The following RAB6B variants were observed in gnomAD, a reference collection of about 807,000 sequenced individuals.
RAB6B encodes RAB6B, member RAS oncogene family, also known as ras-related protein Rab-6B.
In RAB6B, 7 loss-of-function variants were observed where a neutral mutation model predicts 31.2. That is an observed-to-expected ratio of 0.22 (90% CI 0.13 to 0.42). The LOEUF is 0.42. Among genes scored for constraint, RAB6B ranks in the 10% least tolerant of loss-of-function variants. The probability of loss-of-function intolerance (pLI) is 1.00; values close to 1 mark genes in which losing one functional copy is unlikely to be tolerated. For missense variants in RAB6B, 149 were observed against 280.6 expected, an observed-to-expected ratio of 0.53 and a Z score of 3.35; for synonymous variants, 105 against 104.9, an observed-to-expected ratio of 1.00 and a Z score of -0.01.
chr3:133,890,672 T>C (rs1416608051), intron 1 of RAB6B, among the ~76,000 whole-genome samples: 3 of 152,130 alleles, frequency 2.0e-5, no homozygotes, highest in African/African-American at 4.8e-5. Context: ...AATCTACTGA[T>C]GGGCCATCAG....
At chr3:133,841,732 C>T in intron 2 of RAB6B, 69 bp from the exon 3 acceptor site, 1 of 1,532,360 alleles carries the variant, frequency 6.5e-7, no homozygotes, top group Non-Finnish European at 9.0e-7. Context: ...GCCTAGCGAC[C>T]ACAGGTGGTG....
At chr3:133,857,445 A>G (rs1936097897) in intron 2 of RAB6B, among the ~76,000 whole-genome samples, 1 of 150,872 alleles carries the variant, frequency 6.6e-6, no homozygotes, top group Non-Finnish European at 1.5e-5. Flanking sequence ...AAAAAAAAAA[A>G]AAAGGACTGA....
chr3:133,864,857 G>C (rs1936214355), intron 1 of RAB6B, among the ~76,000 whole-genome samples: 1 of 152,204 alleles, frequency 6.6e-6, no homozygotes, highest in Non-Finnish European at 1.5e-5. Context: ...TTCCTGCCAG[G>C]CACCAGGGTG....
intron 2 of RAB6B, among the ~76,000 whole-genome samples, chr3:133,854,520 G>A (rs1003965440): frequency 6.6e-6 from 1 of 152,208 alleles, no homozygotes; most frequent in African/African-American, 2.4e-5. Context: ...TCAGAAGGCT[G>A]AGCTGCACTC....
rs766031680 is a variant in RAB6B at position 133,864,754 on chromosome 3, C to T, written c.71-112G>A. 2.0e-4 allele frequency: 212 copies of T among 1,060,018 alleles called. 1 individual carries two copies. In the African/African-American group the frequency reaches 2.0e-3, roughly 10 times the overall value. 65.7% of individuals were successfully genotyped at this position (1,060,018 alleles called of 1,614,324 possible). On this transcript the variant is annotated intron_variant, in intron 1 of 7. Coordinates refer to ENST00000285208, the MANE Select transcript of RAB6B (RefSeq NM_016577.4). Reference sequence around the variant, plus strand: ...AAACCAAAAAGCACAGGGGAAAGGCCGAGTTGCAGAAATACAGAAGTGGGA... The same window carrying T: ...AAACCAAAAAGCACAGGGGAAAGGCTGAGTTGCAGAAATACAGAAGTGGGA...
At chr3:133,889,964 GTC>G (rs937388598) in intron 1 of RAB6B, among the ~76,000 whole-genome samples, 2 of 152,128 alleles carry the variant, frequency 1.3e-5, no homozygotes, top group Non-Finnish European at 2.9e-5. Flanking sequence ...TCATCCTGGT[GTC>G]TGTCTGACTC....
At chr3:133,858,505 T>C (rs1046452414) in intron 2 of RAB6B, among the ~76,000 whole-genome samples, 3 of 152,320 alleles carry the variant, frequency 2.0e-5, no homozygotes, top group African/African-American at 7.2e-5. Context: ...TGAGAGGCCC[T>C]CCCTGGCTTA....
intron 1 of RAB6B, among the ~76,000 whole-genome samples, chr3:133,882,486 C>T (rs890917126): frequency 1.3e-5 from 2 of 152,234 alleles, no homozygotes; most frequent in Admixed American, 6.5e-5. Flanking sequence ...GCAGCCTTTA[C>T]TCTTTACTCC....
chr3:133,869,683 G>GA (rs1178291666), intron 1 of RAB6B, among the ~76,000 whole-genome samples: 5 of 152,166 alleles, frequency 3.3e-5, no homozygotes, highest in Non-Finnish European at 4.4e-5. Flanking sequence ...GGCTAGCTTA[G>GA]AAAAAATAGC....
At chr3:133,861,625 G>A (rs1171353234) in intron 2 of RAB6B, among the ~76,000 whole-genome samples, 1 of 152,244 alleles carries the variant, frequency 6.6e-6, no homozygotes, top group Non-Finnish European at 1.5e-5. Context: ...CCTGGCTGAA[G>A]GCAGGGCCAG....
chr3:133,859,749 G>A (rs1003667354), intron 2 of RAB6B, among the ~76,000 whole-genome samples: 4 of 152,214 alleles, frequency 2.6e-5, no homozygotes, highest in African/African-American at 9.6e-5. Flanking sequence ...GGGATGTGCT[G>A]TGTGTGGAGC....
rs1360993853 is a variant in RAB6B at position 133,834,582 on chromosome 3, T to G, written c.555A>C (p.Lys185Asn). Residue 185 changes from lysine to asparagine, a missense_variant, in exon 7 of 8, where the codon AAA (lysine) becomes AAC (asparagine). Transcript: ENST00000285208. ...GTCAAAGGAAAAGGATACTCCCTTC[T>G]TTGCTTTTCTCCTGGACATTCTCCA... ...PGMENVQEKS[K>N]EGMIDIKLDK... The G allele has an allele frequency of 6.2e-7, 1 of 1,613,048 alleles. No individual in the cohort carries two copies. The highest frequency in any genetic ancestry group is 8.5e-7 in the Non-Finnish European group (1 of 1,178,948).
At chr3:133,885,201 C>G (rs151153548) in intron 1 of RAB6B, among the ~76,000 whole-genome samples, 1 of 147,034 alleles carries the variant, frequency 6.8e-6, no homozygotes, top group Non-Finnish European at 1.5e-5. Flanking sequence ...ACACATCCAA[C>G]AGCCAGAGGA....
At chr3:133,861,013 A>G (rs912854963) in intron 2 of RAB6B, among the ~76,000 whole-genome samples, 2 of 152,162 alleles carry the variant, frequency 1.3e-5, no homozygotes, top group Admixed American at 1.3e-4. Context: ...TGCTGCTACC[A>G]CCAAATCCTC....
chr3:133,892,316 G>A (rs1376526658), intron 1 of RAB6B, among the ~76,000 whole-genome samples: 1 of 152,068 alleles, frequency 6.6e-6, no homozygotes, highest in African/African-American at 2.4e-5. Context: ...CACAATCCCA[G>A]CCTGTGCCAA....
At chr3:133,841,469 G>A in intron 3 of RAB6B, 79 bp from the exon 4 acceptor site, 1 of 1,546,284 alleles carries the variant, frequency 6.5e-7, no homozygotes, top group Non-Finnish European at 8.9e-7. Context: ...GACTGGGAGA[G>A]CCGGGCTCTG....
chr3:133,858,622 C>T (rs954735429), intron 2 of RAB6B, among the ~76,000 whole-genome samples: 7 of 152,190 alleles, frequency 4.6e-5, no homozygotes, highest in Non-Finnish European at 1.0e-4. Context: ...CTAGGGCCAC[C>T]CTAATAATCT....
intron 1 of RAB6B, among the ~76,000 whole-genome samples, chr3:133,883,488 C>A (rs1280451771): frequency 3.3e-5 from 5 of 152,148 alleles, no homozygotes; most frequent in African/African-American, 4.8e-5. Context: ...CACCCTGGCT[C>A]CCAAGGGCCC....
intron 1 of RAB6B, among the ~76,000 whole-genome samples, chr3:133,868,346 C>T (rs752469430): frequency 6.6e-6 from 1 of 152,256 alleles, no homozygotes; most frequent in Non-Finnish European, 1.5e-5. Context: ...GGCACTCCCA[C>T]TCAGCCTCAG....
Sources: gnomAD v4.1 joint callset for allele counts (sites outside exome capture counted in the v4.1 genomes callset) on GRCh38, gnomAD v4.1.1 for gene constraint, MANE v1.5 for transcripts, NCBI Gene and HGNC (gene_info 2026-07-23, HGNC 2026-07-21) for gene names.